Variants in VPS8 observed in about 807,000 individuals in gnomAD.
VPS8 encodes the protein VPS8 subunit of CORVET complex.
A neutral mutation model predicts 216.4 loss-of-function variants in VPS8; 129 were observed. The ratio of observed to expected loss-of-function variants is 0.60; its 90% CI spans 0.52 to 0.69. The LOEUF (loss-of-function observed/expected upper bound fraction) is 0.69, where lower values mean the gene tolerates loss of function less well. VPS8 is among the 30% of genes least tolerant of loss of function. The pLI is 0.00. For synonymous variants in VPS8, 571 were observed against 565.4 expected, an observed-to-expected ratio of 1.01 and a Z score of -0.14; for missense variants, 1,531 against 1,683.5, an observed-to-expected ratio of 0.91 and a Z score of 1.59.
chr3:184,927,241 A>C (rs929225179), intron 31 of VPS8, among the ~76,000 whole-genome samples: 1 of 152,168 alleles, frequency 6.6e-6, no homozygotes, highest in African/African-American at 2.4e-5. Context: ...AAGAGAGTCA[A>C]CCCATTTTGT....
chr3:184,989,241 A>G (rs921331332), intron 42 of VPS8, among the ~76,000 whole-genome samples: 3 of 152,172 alleles, frequency 2.0e-5, no homozygotes, highest in Non-Finnish European at 2.9e-5. Flanking sequence ...GTTAGCTGCA[A>G]GGTTCTTATA....
chr3:184,996,634 CT>C, intron 44 of VPS8, 133 bp downstream of exon 44: 1 of 1,018,246 alleles, frequency 9.8e-7, no homozygotes. Flanking sequence ...CCTCACAGAC[CT>C]TACATTCTGC....
At chr3:184,902,122 C>CCTTTTTTTT (rs1560596544) in intron 25 of VPS8, among the ~76,000 whole-genome samples, 1 of 119,598 alleles carries the variant, frequency 8.4e-6, no homozygotes, top group African/African-American at 3.1e-5. Context: ...CCCCCCCCCC[C>CCTTTTTTTT]TTTTTTTTTT....
At chr3:184,875,986 T>G (rs1237174152) in intron 21 of VPS8, among the ~76,000 whole-genome samples, 1 of 149,876 alleles carries the variant, frequency 6.7e-6, no homozygotes. Context: ...CAAGACCCTG[T>G]CTCAAAAAAA....
chr3:185,046,251 T>C (rs1005423945), intron 46 of VPS8, among the ~76,000 whole-genome samples: 2 of 152,238 alleles, frequency 1.3e-5, no homozygotes, highest in Admixed American at 1.3e-4. Flanking sequence ...CCTTTATTTT[T>C]TGTCTGACCT....
At chr3:184,934,935 C>G (rs1404230453) in intron 34 of VPS8, among the ~76,000 whole-genome samples, 1 of 152,028 alleles carries the variant, frequency 6.6e-6, no homozygotes, top group Non-Finnish European at 1.5e-5. Context: ...TTATTTCTTC[C>G]TTAAATGGTT....
Position 184,831,190 on chromosome 3 carries a change from G to A in VPS8, c.223-1499G>A, listed in dbSNP as rs144400870. 2.8e-4 allele frequency among the ~76,000 whole-genome samples: 42 copies of A among 152,316 alleles called. No homozygotes were observed. In the East Asian group the frequency reaches 7.1e-3, roughly 26 times the overall value. The stretch of plus-strand genomic sequence containing the variant: ...TCGAGATGTAGTGAATGAGCCAGGC[G>A]TGGTGGCATGCACCTGTAGTCCCAG... On this transcript the variant is annotated intron_variant, in intron 3 of 47. Transcript: ENST00000625842.
At chr3:184,837,016 G>A (rs761026355) in intron 5 of VPS8, among the ~76,000 whole-genome samples, 7 of 151,344 alleles carry the variant, frequency 4.6e-5, no homozygotes, top group Admixed American at 6.6e-5. Context: ...TTCAAAATGC[G>A]TCCACTGTAT....
At chr3:185,046,931 T>C (rs1713053312) in intron 46 of VPS8, among the ~76,000 whole-genome samples, 1 of 152,160 alleles carries the variant, frequency 6.6e-6, no homozygotes, top group Admixed American at 6.5e-5. Flanking sequence ...CTCCCATCCC[T>C]TCATTTGATC....
chr3:184,875,822 C>CAAAAAAA (rs59957370), intron 21 of VPS8, among the ~76,000 whole-genome samples: 2 of 72,550 alleles, frequency 2.8e-5, no homozygotes, highest in African/African-American at 5.3e-5. Flanking sequence ...CTTGTCTCTA[C>CAAAAAAA]AAAAAAAAAA....
At position 184,865,987 on chromosome 3, in the gene VPS8, TA is replaced by T. The variant is rs34631606; in HGVS notation, c.1396-874del. 2.0e-3 allele frequency among the ~76,000 whole-genome samples: 281 copies of T among 141,386 alleles called. 1 individual carries two copies. Among genetic ancestry groups the T allele is most frequent in the Middle Eastern group, 3.7e-3 (1 of 270 alleles). 92.8% of individuals were successfully genotyped at this position (141,386 alleles called of 152,430 possible). A position where few individuals can be genotyped will look rare whatever the true frequency, so the allele number is the denominator to read the frequency against. On this transcript the variant is annotated intron_variant, in intron 16 of 47. Transcript: ENST00000625842. ...TGGGGGACAGAGTGAGACTCCATCT[TA>T]AAAAAAAAAAAAAAGTTAAACATTG...
chr3:184,871,091 G>C (rs1728254938), intron 21 of VPS8, among the ~76,000 whole-genome samples: 1 of 151,938 alleles, frequency 6.6e-6, no homozygotes, highest in Admixed American at 6.6e-5. Flanking sequence ...CCTTATAGTG[G>C]CTGACATCCT....
chr3:184,988,631 T>C (rs1349789122), intron 42 of VPS8, among the ~76,000 whole-genome samples: 1 of 152,232 alleles, frequency 6.6e-6, no homozygotes, highest in Non-Finnish European at 1.5e-5. Flanking sequence ...TGTTGGCCAT[T>C]CCTTGTCTTT....
intron 46 of VPS8, among the ~76,000 whole-genome samples, chr3:185,041,916 C>T (rs1711728972): frequency 1.3e-5 from 2 of 152,172 alleles, no homozygotes; most frequent in African/African-American, 4.8e-5. Context: ...GTTTGGGAAA[C>T]AGTGGGACTC....
chr3:185,028,102 G>A (rs2110096163), intron 46 of VPS8, among the ~76,000 whole-genome samples: 1 of 152,206 alleles, frequency 6.6e-6, no homozygotes, highest in African/African-American at 2.4e-5. Context: ...TTTTTTTAGT[G>A]GCTGTCTTGC....
At chr3:184,926,490 G>GTGTGAA in intron 30 of VPS8, 104 bp from the exon 31 acceptor site, 1 of 1,139,346 alleles carries the variant, frequency 8.8e-7, no homozygotes. Flanking sequence ...TTATGTCTGG[G>GTGTGAA]TGTGAATGAG....
At chr3:184,888,902 C>A in intron 22 of VPS8, among the ~76,000 whole-genome samples, 1 of 152,170 alleles carries the variant, frequency 6.6e-6, no homozygotes, top group Non-Finnish European at 1.5e-5. Flanking sequence ...TGCAGGGTGA[C>A]TTGTGATCAT....
At chr3:184,874,251 T>G (rs1199677945) in intron 21 of VPS8, among the ~76,000 whole-genome samples, 2 of 152,186 alleles carry the variant, frequency 1.3e-5, no homozygotes, top group Non-Finnish European at 2.9e-5. Flanking sequence ...ATAATTGATT[T>G]CATTAAAGCA....
intron 22 of VPS8, among the ~76,000 whole-genome samples, chr3:184,886,584 A>AC (rs1458858293): frequency 2.0e-5 from 3 of 150,960 alleles, no homozygotes; most frequent in Non-Finnish European, 4.4e-5. Context: ...TGGTATATAT[A>AC]CTTTTTTTTT....
Sources: allele counts gnomAD v4.1 joint callset (sites outside exome capture counted in the v4.1 genomes callset), GRCh38; gene constraint gnomAD v4.1.1; transcripts MANE v1.5; gene names NCBI Gene and HGNC (gene_info 2026-07-23, HGNC 2026-07-21).